Variants in PRORP observed in about 807,000 individuals in gnomAD.
The protein encoded by PRORP is mitochondrial ribonuclease P catalytic subunit.
A neutral mutation model predicts 59.4 loss-of-function variants in PRORP; 51 were observed. That is an observed-to-expected ratio of 0.86 (90% CI 0.69 to 1.08). The LOEUF is 1.08. Among genes scored for constraint, PRORP ranks in the 50% least tolerant of loss-of-function variants. The pLI, the probability that PRORP is intolerant of heterozygous loss-of-function variation, is 0.00. For missense variants in PRORP, 646 were observed against 690.3 expected, an observed-to-expected ratio of 0.94 and a Z score of 0.72; for synonymous variants, 231 against 245.6, an observed-to-expected ratio of 0.94 and a Z score of 0.55.
chr14:35,229,006 A>G (rs1435778393), intron 5 of PRORP, among the ~76,000 whole-genome samples: 3 of 152,046 alleles, frequency 2.0e-5, no homozygotes, highest in Non-Finnish European at 1.5e-5. Context: ...ATGAGATGGG[A>G]TCTCATTATG....
chr14:35,262,708 T>G (rs1355568651), intron 5 of PRORP: 1 of 832,482 alleles, frequency 1.2e-6, no homozygotes, highest in African/African-American at 1.7e-5. Context: ...ATCAAGGGTG[T>G]TACACTGGGC....
intron 5 of PRORP, chr14:35,235,255 A>G (rs1400293515): frequency 2.0e-5 from 14 of 711,890 alleles, no homozygotes; most frequent in Non-Finnish European, 1.5e-5. Context: ...GACCCAGGAC[A>G]TTGCCTCCCT....
chr14:35,133,076 C>A (rs1323959017), intron 4 of PRORP, among the ~76,000 whole-genome samples: 1 of 151,982 alleles, frequency 6.6e-6, no homozygotes, highest in East Asian at 1.9e-4. Context: ...TTCACGTCAC[C>A]ACGCCCAGCT....
intron 5 of PRORP, among the ~76,000 whole-genome samples, chr14:35,184,832 T>G (rs1015812550): frequency 6.6e-6 from 1 of 152,234 alleles, no homozygotes; most frequent in Non-Finnish European, 1.5e-5. Flanking sequence ...TCTCCATCCA[T>G]GTTCCTACAA....
intron 4 of PRORP, among the ~76,000 whole-genome samples, chr14:35,143,676 T>G (rs1208691043): frequency 1.4e-5 from 2 of 145,090 alleles, no homozygotes; most frequent in African/African-American, 4.9e-5. Context: ...AGACAGAGTT[T>G]TGCTCTTGTT....
intron 5 of PRORP, among the ~76,000 whole-genome samples, chr14:35,199,152 G>A (rs2049081488): frequency 6.6e-6 from 1 of 151,616 alleles, no homozygotes. Flanking sequence ...TGGGCAACAA[G>A]AGTGAAACTC....
At chr14:35,167,901 CAT>C (rs1245158996) in intron 4 of PRORP, among the ~76,000 whole-genome samples, 1 of 152,204 alleles carries the variant, frequency 6.6e-6, no homozygotes, top group African/African-American at 2.4e-5. Context: ...GTGATCGTCA[CAT>C]GTTAACTATA....
intron 4 of PRORP, among the ~76,000 whole-genome samples, chr14:35,161,732 A>G (rs1450964525): frequency 6.6e-6 from 1 of 152,196 alleles, no homozygotes; most frequent in African/African-American, 2.4e-5. Context: ...TAAAAATAAT[A>G]TAGCTGATTC....
chr14:35,135,620 A>G (rs1028723501), intron 4 of PRORP, among the ~76,000 whole-genome samples: 4 of 152,258 alleles, frequency 2.6e-5, no homozygotes, highest in African/African-American at 4.8e-5. Context: ...GATAATGAGC[A>G]GCTATTATTA....
chr14:35,154,466 G>T (rs1458373543), intron 4 of PRORP, among the ~76,000 whole-genome samples: 1 of 152,112 alleles, frequency 6.6e-6, no homozygotes, highest in African/African-American at 2.4e-5. Context: ...TTTGGCTCGT[G>T]GTTCTTCAAG....
chr14:35,236,914 C>G (rs2050229726), intron 5 of PRORP, among the ~76,000 whole-genome samples: 1 of 149,784 alleles, frequency 6.7e-6, no homozygotes, highest in Non-Finnish European at 1.5e-5. Context: ...TCTCTCTCAT[C>G]TTCTTTCTTT....
intron 4 of PRORP, among the ~76,000 whole-genome samples, chr14:35,179,926 T>C (rs916946167): frequency 6.6e-6 from 1 of 152,186 alleles, no homozygotes; most frequent in East Asian, 1.9e-4. Context: ...TGGAAGTCCT[T>C]TCTGTTTGTT....
chr14:35,158,400 T>C, intron 4 of PRORP: 1 of 303,520 alleles, frequency 3.3e-6, no homozygotes, highest in Non-Finnish European at 6.6e-6. Context: ...CCCCTAACCC[T>C]TTTGCCATTA....
intron 4 of PRORP, among the ~76,000 whole-genome samples, chr14:35,180,210 C>T (rs1167043377): frequency 1.3e-5 from 2 of 152,158 alleles, no homozygotes; most frequent in South Asian, 2.1e-4. Flanking sequence ...TCTCAAACTC[C>T]GTGCTGGGAG....
chr14:35,180,040 A>C (rs530263801), intron 4 of PRORP, among the ~76,000 whole-genome samples: 1 of 152,366 alleles, frequency 6.6e-6, no homozygotes, highest in East Asian at 1.9e-4. Context: ...CGGAGGCTGC[A>C]GAACAGCGAA....
In PRORP at chr14:35,266,838, G is replaced by A. The variant is rs1594359880; in HGVS notation, c.1387G>A (p.Val463Met). The change falls in exon 6 of 8, where the codon GTG (valine) becomes ATG (methionine). Residue 463 changes from valine to methionine, a missense_variant. Physicochemically the swap from Val to Met is conservative, Grantham distance 21. Transcript: ENST00000534898. The stretch of plus-strand genomic sequence containing the variant: ...GTGGAGTCGGGATGAGATGGAAGAG[G>A]TGCAAAAGCAAGCCAGCTGTTTTTT... ...SQWSRDEMEE[V>M]QKQASCFFAD... 1 of 1,614,068 alleles carries A rather than the reference G, an allele frequency of 6.2e-7. No homozygotes were observed. The highest frequency in any genetic ancestry group is 1.3e-5 in the African/African-American group (1 of 74,920).
At chr14:35,158,311 G>A (rs958130481) in intron 4 of PRORP, 4 of 269,702 alleles carry the variant, frequency 1.5e-5, no homozygotes, top group African/African-American at 4.5e-5. Flanking sequence ...GTGCATATGT[G>A]TTATCAACAT....
At chr14:35,186,601 T>G (rs1274325108) in intron 5 of PRORP, among the ~76,000 whole-genome samples, 1 of 151,618 alleles carries the variant, frequency 6.6e-6, no homozygotes, top group Non-Finnish European at 1.5e-5. Context: ...CATTTTCTTT[T>G]TTTTTTTCTT....
intron 4 of PRORP, among the ~76,000 whole-genome samples, chr14:35,168,889 A>T (rs1390480824): frequency 6.6e-6 from 1 of 152,000 alleles, no homozygotes; most frequent in Non-Finnish European, 1.5e-5. Flanking sequence ...TTTATGAACT[A>T]TTTAGAAATA....
Sources: gnomAD v4.1 joint callset for allele counts (sites outside exome capture counted in the v4.1 genomes callset) on GRCh38, gnomAD v4.1.1 for gene constraint, MANE v1.5 for transcripts, NCBI Gene and HGNC (gene_info 2026-07-23, HGNC 2026-07-21) for gene names.